Variants in RAB3GAP2 observed in about 807,000 individuals in gnomAD.
RAB3GAP2 encodes the protein RAB3 GTPase activating non-catalytic protein subunit 2.
A neutral mutation model predicts 185.3 loss-of-function variants in RAB3GAP2; 87 were observed. The ratio of observed to expected loss-of-function variants is 0.47; its 90% CI spans 0.39 to 0.56. RAB3GAP2 has a LOEUF of 0.56. Ranked by LOEUF, RAB3GAP2 falls within the 20% of genes least tolerant of loss-of-function variation. RAB3GAP2 has a pLI of 0.00. For missense variants in RAB3GAP2, 1,492 were observed against 1,638.2 expected, an observed-to-expected ratio of 0.91 and a Z score of 1.54; for synonymous variants, 554 against 576.1, an observed-to-expected ratio of 0.96 and a Z score of 0.55.
chr1:220,259,115 G>T (rs1273780910), intron 1 of RAB3GAP2, among the ~76,000 whole-genome samples: 1 of 152,092 alleles, frequency 6.6e-6, no homozygotes, highest in African/African-American at 2.4e-5. Flanking sequence ...CCATGCTCAT[G>T]GATAGGAAGA....
chr1:220,160,506 C>T (rs1402519576), intron 28 of RAB3GAP2, among the ~76,000 whole-genome samples: 2 of 152,208 alleles, frequency 1.3e-5, no homozygotes, highest in East Asian at 3.8e-4. Flanking sequence ...ATTTACTGAG[C>T]CCTTACCACA....
intron 2 of RAB3GAP2, among the ~76,000 whole-genome samples, chr1:220,231,781 CAA>C (rs1445945037): frequency 6.6e-6 from 1 of 152,156 alleles, no homozygotes; most frequent in African/African-American, 2.4e-5. Flanking sequence ...ATGAAAAGCC[CAA>C]GTCTTTTTCT....
intron 1 of RAB3GAP2, chr1:220,267,842 A>T: frequency 8.7e-7 from 1 of 1,144,326 alleles, no homozygotes; most frequent in Non-Finnish European, 1.3e-6. Flanking sequence ...GAGTCACGAG[A>T]ACATGTTCTG....
chr1:220,245,621 A>G (rs977816176), intron 1 of RAB3GAP2, among the ~76,000 whole-genome samples: 4 of 152,006 alleles, frequency 2.6e-5, no homozygotes, highest in Admixed American at 6.5e-5. Flanking sequence ...AGGCTTGCTT[A>G]GGTAAACAAA....
intron 6 of RAB3GAP2, 33 bp downstream of exon 6, chr1:220,210,767 CT>C: frequency 1.3e-6 from 2 of 1,584,036 alleles, no homozygotes; most frequent in Non-Finnish European, 1.7e-6. Flanking sequence ...TTGCAGTCAA[CT>C]AGTGTTTTCC....
chr1:220,245,542 T>C (rs934733635), intron 1 of RAB3GAP2, among the ~76,000 whole-genome samples: 1 of 152,012 alleles, frequency 6.6e-6, no homozygotes, highest in Non-Finnish European at 1.5e-5. Flanking sequence ...CGCTGATTGC[T>C]AGCACAGCAG....
intron 15 of RAB3GAP2, 43 bp from the exon 16 acceptor site, chr1:220,190,189 AT>A: frequency 6.4e-7 from 1 of 1,568,938 alleles, no homozygotes; most frequent in Non-Finnish European, 8.8e-7. Flanking sequence ...ATGTGAAATT[AT>A]TTTCTTTCTA....
intron 1 of RAB3GAP2, among the ~76,000 whole-genome samples, chr1:220,255,777 A>G (rs1273201539): frequency 6.6e-6 from 1 of 152,230 alleles, no homozygotes; most frequent in Non-Finnish European, 1.5e-5. Context: ...AAAATATGAG[A>G]TCACATAAAG....
intron 14 of RAB3GAP2, 116 bp from the exon 15 acceptor site, chr1:220,190,636 G>T: frequency 9.3e-7 from 1 of 1,069,752 alleles, no homozygotes; most frequent in Non-Finnish European, 1.4e-6. Flanking sequence ...GCATTAATAA[G>T]GCAACTAAAT....
chr1:220,270,683 T>C (rs1285922126), intron 1 of RAB3GAP2, among the ~76,000 whole-genome samples: 1 of 152,196 alleles, frequency 6.6e-6, no homozygotes, highest in East Asian at 1.9e-4. Flanking sequence ...CTCACATAAT[T>C]TCTTGCTTGG....
At chr1:220,160,465 C>T (rs1657944997) in intron 28 of RAB3GAP2, among the ~76,000 whole-genome samples, 2 of 152,130 alleles carry the variant, frequency 1.3e-5, no homozygotes, top group African/African-American at 4.8e-5. Context: ...TAAAACTGCC[C>T]CAGTGTCTTC....
At chr1:220,166,134 T>G (rs1391687454) in intron 26 of RAB3GAP2, among the ~76,000 whole-genome samples, 1 of 152,198 alleles carries the variant, frequency 6.6e-6, no homozygotes, top group African/African-American at 2.4e-5. Flanking sequence ...TGAAGGGCAT[T>G]AAGAGGATTC....
intron 27 of RAB3GAP2, among the ~76,000 whole-genome samples, chr1:220,162,726 C>CATTGAGCTGTGGCAT (rs1657984978): frequency 6.6e-6 from 1 of 152,148 alleles, no homozygotes; most frequent in African/African-American, 2.4e-5. Flanking sequence ...TGTGTCTGCT[C>CATTGAGCTGTGGCAT]TATCACCCGA....
chr1:220,183,137 G>A (rs543847796), intron 19 of RAB3GAP2, among the ~76,000 whole-genome samples: 1 of 152,140 alleles, frequency 6.6e-6, no homozygotes, highest in South Asian at 2.1e-4. Context: ...AACACTGCAT[G>A]TTTGGTACCA....
chr1:220,212,860 G>A (rs1006974893), intron 4 of RAB3GAP2, 27 bp downstream of exon 4: 4 of 1,566,480 alleles, frequency 2.6e-6, no homozygotes, highest in Admixed American at 1.7e-5. Context: ...GTAACACACA[G>A]AGAAACAAAA....
At chr1:220,257,226 A>C (rs1660047640) in intron 1 of RAB3GAP2, among the ~76,000 whole-genome samples, 1 of 151,918 alleles carries the variant, frequency 6.6e-6, no homozygotes. Flanking sequence ...AAAATACAAA[A>C]AATTAGCCGG....
At position 220,167,524 on chromosome 1, in the gene RAB3GAP2, C is replaced by T. The variant is rs1352003456; in HGVS notation, c.2958G>A (p.Glu986=). The T allele has an allele frequency of 1.2e-6, 2 of 1,614,038 alleles. No homozygotes were observed. Among genetic ancestry groups the T allele is most frequent in the African/African-American group, 2.7e-5 (2 of 74,896 alleles). The change falls in exon 25 of 35, where the codon GAG becomes GAA. Residue 986 remains glutamate (E), a synonymous_variant. Coordinates refer to ENST00000358951, the MANE Select transcript of RAB3GAP2 (RefSeq NM_012414.4). ...CACCTGGTATGGCTCCTAAGTCCATCTCCATCTCTGATACCTCAAGGAAAC... is the reference window on the plus strand; with the variant it reads ...CACCTGGTATGGCTCCTAAGTCCATTTCCATCTCTGATACCTCAAGGAAAC... ...NRSFLEVSEM[E]MDLGAIPDLL... is the part of the protein sequence containing the mutation.
chr1:220,195,701 C>A (rs989200623), intron 10 of RAB3GAP2, among the ~76,000 whole-genome samples: 6 of 152,188 alleles, frequency 3.9e-5, no homozygotes, highest in Non-Finnish European at 5.9e-5. Context: ...CACACCTACA[C>A]ATAACTGGCT....
chr1:220,194,940 G>T, intron 12 of RAB3GAP2, 138 bp downstream of exon 12: 2 of 875,448 alleles, frequency 2.3e-6, no homozygotes, highest in Non-Finnish European at 3.8e-6. Flanking sequence ...ACATTCTAGT[G>T]GGAAAAGAAA....
Sources: gnomAD v4.1 joint callset for allele counts (sites outside exome capture counted in the v4.1 genomes callset) on GRCh38, gnomAD v4.1.1 for gene constraint, MANE v1.5 for transcripts, NCBI Gene and HGNC (gene_info 2026-07-23, HGNC 2026-07-21) for gene names.